Variants in ERG observed in about 807,000 individuals in gnomAD.
ERG encodes transcriptional regulator ERG.
ERG carries 9 observed loss-of-function variants against 55.3 expected under a neutral mutation model. The observed-to-expected ratio is 0.16, with a 90% CI of 0.10 to 0.28. The LOEUF (loss-of-function observed/expected upper bound fraction) is 0.28, where lower values mean the gene tolerates loss of function less well. Among genes scored for constraint, ERG ranks in the 10% least tolerant of loss-of-function variants. The probability of loss-of-function intolerance (pLI) is 1.00; values close to 1 mark genes in which losing one functional copy is unlikely to be tolerated. For missense variants in ERG, 434 were observed against 631.6 expected (o/e 0.69, Z 3.35); for synonymous variants, 223 against 237.3 (o/e 0.94, Z 0.55).
chr21:38,412,865 T>C lies in ERG; in HGVS notation c.389-9156A>G, dbSNP rs138626892. Among the ~76,000 whole-genome samples the C allele has an allele frequency of 3.7e-3, 560 of 152,300 alleles. 6 individuals carry two copies. The highest frequency in any genetic ancestry group is 0.013 in the African/African-American group (537 of 41,556). On this transcript the variant is annotated intron_variant, in intron 3 of 9. Transcript: ENST00000288319. ...CAGAGTCATCTTTAGCGGGTCTCTA[T>C]CTGCAGGAATTCTGTACAGCGTAGG...
At chr21:38,417,051 C>G (rs1314903169) in intron 3 of ERG, among the ~76,000 whole-genome samples, 1 of 152,238 alleles carries the variant, frequency 6.6e-6, no homozygotes, top group Non-Finnish European at 1.5e-5. Flanking sequence ...AGCTCTCAAT[C>G]ACACCTTCTC....
intron 1 of ERG, among the ~76,000 whole-genome samples, chr21:38,446,457 T>C (rs559866938): frequency 6.6e-6 from 1 of 152,324 alleles, no homozygotes; most frequent in Admixed American, 6.5e-5. Context: ...GCTATGTTTA[T>C]ATTCTACAGC....
intron 1 of ERG, among the ~76,000 whole-genome samples, chr21:38,616,046 A>C (rs2060257048): frequency 6.6e-6 from 1 of 152,160 alleles, no homozygotes; most frequent in Admixed American, 6.5e-5. Flanking sequence ...GGAGGTGATT[A>C]GATCATGGGG....
At chr21:38,528,827 A>G (rs2146766484) in intron 2 of ERG, among the ~76,000 whole-genome samples, 1 of 152,324 alleles carries the variant, frequency 6.6e-6, no homozygotes, top group African/African-American at 2.4e-5. Context: ...GGCAAGATTT[A>G]GCCAGTTTTT....
chr21:38,577,660 G>A (rs1329920568), intron 1 of ERG, among the ~76,000 whole-genome samples: 1 of 152,172 alleles, frequency 6.6e-6, no homozygotes, highest in Non-Finnish European at 1.5e-5. Context: ...CCTAAGAGCA[G>A]CAGGTGCCAC....
intron 1 of ERG, among the ~76,000 whole-genome samples, chr21:38,494,697 C>T (rs1444322677): frequency 6.6e-6 from 1 of 152,250 alleles, no homozygotes; most frequent in African/African-American, 2.4e-5. Flanking sequence ...AGGCTCAGCA[C>T]ATTGTCTGAG....
At position 38,460,150 on chromosome 21, in the gene ERG, C is replaced by T. The variant is rs1489893274; in HGVS notation, c.19-14529G>A. 3.9e-5 allele frequency among the ~76,000 whole-genome samples: 6 copies of T among 152,116 alleles called. No individual in the cohort carries two copies. Among genetic ancestry groups the T allele is most frequent in the Non-Finnish European group, 2.9e-5 (2 of 68,022 alleles). Reference sequence around the variant, plus strand: ...GCCTTGGCAACAGCTAGAACAAGGCCAGAGTGGACTGCGGGGGCTGCACGA... The same window carrying T: ...GCCTTGGCAACAGCTAGAACAAGGCTAGAGTGGACTGCGGGGGCTGCACGA... On this transcript the variant is annotated intron_variant, in intron 1 of 9. Transcript: ENST00000288319. This position sits in a 1 kb window ranked among gnomAD's most constrained non-coding sequence, Gnocchi z 5.0.
chr21:38,487,058 G>T (rs2059292185), intron 1 of ERG, among the ~76,000 whole-genome samples: 1 of 151,786 alleles, frequency 6.6e-6, no homozygotes, highest in South Asian at 2.1e-4. Flanking sequence ...AGAGAAACTG[G>T]GTTCTTAAGA....
rs1309598747 is a variant in ERG, at chr21:38,460,025, A to G, written c.19-14404T>C. Among the ~76,000 whole-genome samples the G allele has an allele frequency of 1.3e-5, 2 of 152,246 alleles. No individual in the cohort carries two copies. Among genetic ancestry groups the G allele is most frequent in the Non-Finnish European group, 2.9e-5 (2 of 68,054 alleles). ...CTAGAGACTCAGGAAAAGAGAGGTAAACTGCTGCTTTTCATTTAGAGTGGC... is the reference window on the plus strand; with the variant it reads ...CTAGAGACTCAGGAAAAGAGAGGTAGACTGCTGCTTTTCATTTAGAGTGGC... On this transcript the variant is annotated intron_variant, in intron 1 of 9. Coordinates refer to ENST00000288319, the MANE Select transcript of ERG (RefSeq NM_182918.4). This position sits in a 1 kb window ranked among gnomAD's most constrained non-coding sequence, Gnocchi z 5.0.
At chr21:38,516,410 G>T (rs2059551979) in intron 2 of ERG, among the ~76,000 whole-genome samples, 1 of 151,608 alleles carries the variant, frequency 6.6e-6, no homozygotes, top group Non-Finnish European at 1.5e-5. Flanking sequence ...ATTAACCAAG[G>T]AAGCGAAAAA....
intron 2 of ERG, among the ~76,000 whole-genome samples, chr21:38,423,924 TGA>T (rs1989674836): frequency 6.6e-6 from 1 of 152,034 alleles, no homozygotes; most frequent in African/African-American, 2.4e-5. Flanking sequence ...TGCAGTGAGC[TGA>T]GATCATGCCA....
chr21:38,592,634 C>T lies in ERG; in HGVS notation c.-149-7689G>A, dbSNP rs374274572. 1.1e-3 allele frequency among the ~76,000 whole-genome samples: 166 copies of T among 151,632 alleles called. 1 individual carries two copies. Among genetic ancestry groups the T allele is most frequent in the African/African-American group, 2.7e-3 (110 of 41,182 alleles). Reference sequence around the variant, plus strand: ...TTTTCCTATGTAAACTGCTGCACCACTAACTCTGCTATACTTTAGAACTCA... The same window carrying T: ...TTTTCCTATGTAAACTGCTGCACCATTAACTCTGCTATACTTTAGAACTCA... On this transcript the variant is annotated intron_variant, in intron 1 of 10. Transcript: ENST00000398910.
intron 1 of ERG, among the ~76,000 whole-genome samples, chr21:38,653,325 C>A (rs461488): frequency 6.6e-6 from 1 of 152,034 alleles, no homozygotes; most frequent in Non-Finnish European, 1.5e-5. Flanking sequence ...TCTAGCCTCC[C>A]TTCCTTTGCA....
chr21:38,611,637 C>T (rs180688666), intron 1 of ERG, among the ~76,000 whole-genome samples: 1 of 152,294 alleles, frequency 6.6e-6, no homozygotes, highest in Admixed American at 6.5e-5. Flanking sequence ...AATCCTAACC[C>T]CCAACACTCT....
chr21:38,435,844 A>G (rs1484292498), intron 2 of ERG, among the ~76,000 whole-genome samples: 1 of 152,176 alleles, frequency 6.6e-6, no homozygotes, highest in Non-Finnish European at 1.5e-5. Flanking sequence ...ACAAGCAGTT[A>G]CATGACAAAG....
intron 2 of ERG, among the ~76,000 whole-genome samples, chr21:38,506,295 T>G (rs1430192856): frequency 6.6e-6 from 1 of 152,220 alleles, no homozygotes; most frequent in Non-Finnish European, 1.5e-5. Flanking sequence ...TATGTTTGTT[T>G]TCTCTGTACA....
chr21:38,546,473 C>T (rs2059788553), intron 2 of ERG, among the ~76,000 whole-genome samples: 1 of 152,150 alleles, frequency 6.6e-6, no homozygotes, highest in African/African-American at 2.4e-5. Flanking sequence ...ATACGTTTTC[C>T]ACAATCACAA....
At chr21:38,530,689 G>C (rs553838812) in intron 2 of ERG, among the ~76,000 whole-genome samples, 2 of 152,070 alleles carry the variant, frequency 1.3e-5, no homozygotes, top group East Asian at 1.9e-4. Flanking sequence ...ACACATGAAG[G>C]CTCACTTACT....
chr21:38,630,385 A>T (rs561088788), intron 1 of ERG, among the ~76,000 whole-genome samples: 1 of 152,270 alleles, frequency 6.6e-6, no homozygotes, highest in East Asian at 1.9e-4. Flanking sequence ...AGCCACCTCA[A>T]CACAGGGCTT....
Sources: allele counts gnomAD v4.1 joint callset (sites outside exome capture counted in the v4.1 genomes callset), GRCh38; gene constraint gnomAD v4.1.1; non-coding constraint Gnocchi (gnomAD v3.1); transcripts MANE v1.5; gene names NCBI Gene and HGNC (gene_info 2026-07-23, HGNC 2026-07-21).